SHANK2: variants seen among roughly 807,000 people sequenced by gnomAD.
SHANK2 encodes the protein SH3 and multiple ankyrin repeat domains protein 2.
A neutral mutation model predicts 133.7 loss-of-function variants in SHANK2; 43 were observed. The observed-to-expected ratio is 0.32, with a 90% confidence interval of 0.25 to 0.41. The LOEUF (loss-of-function observed/expected upper bound fraction) is 0.41. Ranked by LOEUF, SHANK2 falls within the 10% of genes least tolerant of loss-of-function variation. The probability of loss-of-function intolerance (pLI) is 1.00; values close to 1 mark genes in which losing one functional copy is unlikely to be tolerated. For synonymous variants in SHANK2, 1,017 were observed against 952.8 expected (o/e 1.07, Z -1.24); for missense variants, 1,994 against 2,235.8 (o/e 0.89, Z 2.18).
intron 9 of SHANK2, among the ~76,000 whole-genome samples, chr11:71,073,156 C>CTTTTTT (rs1198101078): frequency 9.8e-5 from 4 of 40,774 alleles, no homozygotes; most frequent in African/African-American, 2.7e-4. Flanking sequence ...TCTTTTTTTT[C>CTTTTTT]TTTTTTTTCT....
chr11:70,520,911 T>C (rs2059322179), intron 17 of SHANK2, among the ~76,000 whole-genome samples: 1 of 152,222 alleles, frequency 6.6e-6, no homozygotes, highest in Admixed American at 6.5e-5. Context: ...CCTTTTGTTT[T>C]TTGACCACTT....
intron 21 of SHANK2, among the ~76,000 whole-genome samples, chr11:70,498,422 G>C (rs1342937639): frequency 6.6e-6 from 1 of 152,202 alleles, no homozygotes; most frequent in African/African-American, 2.4e-5. Flanking sequence ...TGCAGGCTCT[G>C]AGTCACACAC....
intron 10 of SHANK2, among the ~76,000 whole-genome samples, chr11:70,941,814 C>G (rs1555084445): frequency 6.6e-6 from 1 of 152,030 alleles, no homozygotes; most frequent in Non-Finnish European, 1.5e-5. Context: ...TTTGCTATAG[C>G]AGCCTGTCTT....
chr11:70,509,322 A>C (rs2059171269), intron 17 of SHANK2, among the ~76,000 whole-genome samples: 1 of 152,260 alleles, frequency 6.6e-6, no homozygotes, highest in African/African-American at 2.4e-5. Context: ...CAATGTGAGC[A>C]GACACTGATT....
intron 17 of SHANK2, among the ~76,000 whole-genome samples, chr11:70,548,372 G>C (rs966035499): frequency 6.6e-6 from 1 of 152,254 alleles, no homozygotes; most frequent in Non-Finnish European, 1.5e-5. Context: ...ATCCCAGGTG[G>C]GGAGACTCTG....
chr11:70,701,447 G>C (rs773931089), intron 14 of SHANK2, among the ~76,000 whole-genome samples: 32 of 152,114 alleles, frequency 2.1e-4, no homozygotes, highest in Non-Finnish European at 4.0e-4. Context: ...TGTCATCCAG[G>C]CTGGAGTGCA....
intron 3 of SHANK2, among the ~76,000 whole-genome samples, chr11:71,142,799 T>C (rs1952581506): frequency 1.4e-5 from 2 of 147,570 alleles, no homozygotes; most frequent in African/African-American, 2.5e-5. Context: ...GCCACTTCTT[T>C]AGGAATCTAG....
intron 14 of SHANK2, among the ~76,000 whole-genome samples, chr11:70,718,678 C>CCTTTTTGATAGAG (rs1946006559): frequency 6.7e-6 from 1 of 148,802 alleles, no homozygotes; most frequent in African/African-American, 2.5e-5. Flanking sequence ...AGTGCTCCTC[C>CCTTTTTGATAGAG]CTTTTTGATA....
chr11:71,224,711 G>T lies in SHANK2; in HGVS notation c.-27C>A, dbSNP rs1954612662. On this transcript the variant is annotated 5_prime_UTR_variant, in exon 2 of 26. Coordinates refer to ENST00000601538, the MANE Select transcript of SHANK2 (RefSeq NM_012309.5). ...TTATAACTCACCAGAGGTGTTGGGA[G>T]ACTGAGCCTCACAGATGGCCTCTTA... is the stretch of plus-strand genomic sequence containing the variant. 1 of 152,248 alleles carries T rather than the reference G, an allele frequency of 6.6e-6. No homozygotes were observed. Among genetic ancestry groups the T allele is most frequent in the Non-Finnish European group, 1.5e-5 (1 of 68,084 alleles). The allele number at this position is 152,248 out of a possible 1,614,324, so 9.4% of individuals were successfully genotyped here.
At chr11:70,653,595 A>AAAAT (rs2061367485) in intron 17 of SHANK2, among the ~76,000 whole-genome samples, 3 of 151,702 alleles carry the variant, frequency 2.0e-5, no homozygotes, top group Admixed American at 2.0e-4. Context: ...AAAAAGAAAG[A>AAAAT]AAATGAAGTC....
chr11:70,880,557 G>A (rs564574564), intron 11 of SHANK2, among the ~76,000 whole-genome samples: 81 of 152,300 alleles, frequency 5.3e-4, no homozygotes, highest in Non-Finnish European at 9.6e-4. Context: ...ACCTGGAAGC[G>A]GGCATGCCCC....
At chr11:70,482,319 A>T (rs2058745949) in intron 25 of SHANK2, among the ~76,000 whole-genome samples, 2 of 151,202 alleles carry the variant, frequency 1.3e-5, no homozygotes, top group African/African-American at 2.4e-5. Flanking sequence ...CCTCCTAGTG[A>T]CTAAGCCTGC....
At chr11:70,854,401 TAGCACTC>T (rs1362615167) in intron 11 of SHANK2, among the ~76,000 whole-genome samples, 68 of 152,256 alleles carry the variant, frequency 4.5e-4, no homozygotes, top group African/African-American at 1.6e-3. Flanking sequence ...GTGCTGTTAC[TAGCACTC>T]AGCCCAGCCA....
intron 1 of SHANK2, among the ~76,000 whole-genome samples, chr11:71,241,210 G>T (rs1312670686): frequency 6.6e-6 from 1 of 152,202 alleles, no homozygotes; most frequent in Non-Finnish European, 1.5e-5. Context: ...CTGCAGCACA[G>T]TCTGAAAGAA....
chr11:70,891,233 G>A (rs1164321108), intron 11 of SHANK2, among the ~76,000 whole-genome samples: 1 of 152,148 alleles, frequency 6.6e-6, no homozygotes, highest in Non-Finnish European at 1.5e-5. Context: ...AACCACCAGA[G>A]GCCGGGCACG....
intron 17 of SHANK2, among the ~76,000 whole-genome samples, chr11:70,611,186 G>A (rs1368718724): frequency 3.3e-5 from 5 of 152,216 alleles, no homozygotes; most frequent in African/African-American, 4.8e-5. Flanking sequence ...AGATTTAAGC[G>A]CAAATGCCAC....
At chr11:71,167,364 G>A (rs1555111132) in intron 2 of SHANK2, among the ~76,000 whole-genome samples, 2 of 151,824 alleles carry the variant, frequency 1.3e-5, no homozygotes, top group African/African-American at 2.4e-5. Flanking sequence ...GGGGCGGCCG[G>A]GCAGAGGCGC....
intron 15 of SHANK2, among the ~76,000 whole-genome samples, chr11:70,676,299 A>G (rs779201973): frequency 6.6e-6 from 1 of 152,156 alleles, no homozygotes; most frequent in African/African-American, 2.4e-5. Flanking sequence ...TCATGACCCT[A>G]TGGAATAGTT....
At chr11:70,918,602 T>A (rs1223043985) in intron 10 of SHANK2, among the ~76,000 whole-genome samples, 1 of 152,022 alleles carries the variant, frequency 6.6e-6, no homozygotes, top group Non-Finnish European at 1.5e-5. Context: ...ACCTCCTGGG[T>A]TCAAGTGATT....
Sources: gnomAD v4.1 joint callset for allele counts (sites outside exome capture counted in the v4.1 genomes callset) on GRCh38, gnomAD v4.1.1 for gene constraint, MANE v1.5 for transcripts, NCBI Gene and HGNC (gene_info 2026-07-23, HGNC 2026-07-21) for gene names.